NCAM2: variants seen among roughly 807,000 people sequenced by gnomAD.
NCAM2 encodes the protein neural cell adhesion molecule 2.
A neutral mutation model predicts 98.1 loss-of-function variants in NCAM2; 30 were observed. That is an observed-to-expected ratio of 0.31 (90% CI 0.23 to 0.41). The LOEUF is 0.41. Among genes scored for constraint, NCAM2 ranks in the 10% least tolerant of loss-of-function variants. The pLI, the probability that NCAM2 is intolerant of heterozygous loss-of-function variation, is 1.00. For synonymous variants in NCAM2, 368 were observed against 342.4 expected (o/e 1.07, Z -0.83); for missense variants, 867 against 1,005.8 (o/e 0.86, Z 1.87).
At chr21:21,131,875 G>T (rs185210988) in intron 1 of NCAM2, among the ~76,000 whole-genome samples, 3 of 152,244 alleles carry the variant, frequency 2.0e-5, no homozygotes, top group Admixed American at 2.0e-4. Flanking sequence ...GTGAATAATA[G>T]AAAGTGTGTA....
chr21:21,342,594 G>A (rs1352882085), intron 8 of NCAM2, among the ~76,000 whole-genome samples: 2 of 152,062 alleles, frequency 1.3e-5, no homozygotes, highest in South Asian at 2.1e-4. Context: ...AATCAGGCCA[G>A]ACAGACACTA....
intron 1 of NCAM2, among the ~76,000 whole-genome samples, chr21:21,156,008 G>A (rs543756591): frequency 6.6e-6 from 1 of 151,920 alleles, no homozygotes; most frequent in African/African-American, 2.4e-5. Flanking sequence ...TCTTACTTCA[G>A]TTAAGTGTTC....
intron 16 of NCAM2, 69 bp downstream of exon 16, chr21:21,509,124 G>C: frequency 1.3e-6 from 2 of 1,497,920 alleles, no homozygotes; most frequent in Admixed American, 1.7e-5. Flanking sequence ...TGCTTTACCT[G>C]AGGGCGTTGT....
chr21:21,397,869 G>A (rs1327800467), intron 9 of NCAM2, among the ~76,000 whole-genome samples: 4 of 152,176 alleles, frequency 2.6e-5, no homozygotes, highest in Non-Finnish European at 5.9e-5. Flanking sequence ...CAACCACTAT[G>A]GAAAACTGTG....
intron 1 of NCAM2, among the ~76,000 whole-genome samples, chr21:21,150,549 A>G (rs1273545599): frequency 6.6e-6 from 1 of 151,974 alleles, no homozygotes; most frequent in East Asian, 1.9e-4. Flanking sequence ...TTATTAATTG[A>G]TGTTGAATTT....
chr21:21,261,852 G>A (rs1436846233), intron 1 of NCAM2, among the ~76,000 whole-genome samples: 1 of 150,874 alleles, frequency 6.6e-6, no homozygotes, highest in African/African-American at 2.4e-5. Flanking sequence ...ACATGAAACA[G>A]CAAAGGTCAC....
intron 9 of NCAM2, among the ~76,000 whole-genome samples, chr21:21,395,507 T>G (rs2076484807): frequency 6.6e-6 from 1 of 152,110 alleles, no homozygotes; most frequent in South Asian, 2.1e-4. Flanking sequence ...CTTCACAGAA[T>G]TAGAAAAAAT....
At chr21:21,178,073 T>G (rs889237525) in intron 1 of NCAM2, among the ~76,000 whole-genome samples, 2 of 152,156 alleles carry the variant, frequency 1.3e-5, no homozygotes, top group Non-Finnish European at 2.9e-5. Context: ...ATAATTTAAG[T>G]TGAAAGTAAT....
intron 12 of NCAM2, among the ~76,000 whole-genome samples, chr21:21,457,806 G>A (rs1982378718): frequency 6.6e-6 from 1 of 152,078 alleles, no homozygotes; most frequent in Non-Finnish European, 1.5e-5. Flanking sequence ...ATATTAAAGG[G>A]CTAGAGAAAT....
intron 1 of NCAM2, among the ~76,000 whole-genome samples, chr21:21,166,086 C>A (rs2067942052): frequency 6.6e-6 from 1 of 152,074 alleles, no homozygotes; most frequent in Admixed American, 6.6e-5. Context: ...TTTTCAGGCA[C>A]CAAAACAAGG....
At chr21:21,154,989 A>G (rs2067569479) in intron 1 of NCAM2, among the ~76,000 whole-genome samples, 1 of 151,768 alleles carries the variant, frequency 6.6e-6, no homozygotes, top group Non-Finnish European at 1.5e-5. Flanking sequence ...AAGATGCAGC[A>G]TTGTCTTGGT....
chr21:21,073,003 T>C, intron 1 of NCAM2, among the ~76,000 whole-genome samples: 1 of 147,610 alleles, frequency 6.8e-6, no homozygotes, highest in Admixed American at 6.8e-5. Flanking sequence ...CCAGTCCCTA[T>C]CTCCAGTGTA....
intron 12 of NCAM2, among the ~76,000 whole-genome samples, chr21:21,453,783 C>G (rs1555899386): frequency 6.6e-6 from 1 of 152,022 alleles, no homozygotes; most frequent in Non-Finnish European, 1.5e-5. Flanking sequence ...TTTTGAAATT[C>G]TCATCTTTAC....
intron 1 of NCAM2, among the ~76,000 whole-genome samples, chr21:21,255,816 G>C (rs2071645973): frequency 6.6e-6 from 1 of 152,148 alleles, no homozygotes; most frequent in African/African-American, 2.4e-5. Context: ...TTAGGTCTAA[G>C]AGTCTCAGAG....
chr21:21,531,942 G>C (rs912720952), intron 16 of NCAM2, among the ~76,000 whole-genome samples: 1 of 150,880 alleles, frequency 6.6e-6, no homozygotes, highest in African/African-American at 2.4e-5. Context: ...GCAGTGAGCC[G>C]AGATCACGCC....
At chr21:21,440,265 C>A (rs943388553) in intron 12 of NCAM2, among the ~76,000 whole-genome samples, 1 of 152,142 alleles carries the variant, frequency 6.6e-6, no homozygotes, top group African/African-American at 2.4e-5. Context: ...CTTATAATAA[C>A]ATACCACAGT....
chr21:21,370,399 A>T (rs947833069), intron 8 of NCAM2, among the ~76,000 whole-genome samples: 1 of 151,936 alleles, frequency 6.6e-6, no homozygotes, highest in Non-Finnish European at 1.5e-5. Flanking sequence ...AATATTGTAC[A>T]TGCCATCAAA....
intron 1 of NCAM2, among the ~76,000 whole-genome samples, chr21:21,135,422 A>G (rs1254549744): frequency 6.6e-6 from 1 of 152,138 alleles, no homozygotes; most frequent in Non-Finnish European, 1.5e-5. Context: ...CTCAGTAGAA[A>G]GGATTCGGTA....
intron 8 of NCAM2, among the ~76,000 whole-genome samples, chr21:21,372,004 A>G (rs1254380824): frequency 1.3e-5 from 2 of 151,812 alleles, no homozygotes; most frequent in African/African-American, 4.8e-5. Context: ...TAGAAAGAAT[A>G]GAAAGTTTTG....
Sources: gnomAD v4.1 joint callset for allele counts (sites outside exome capture counted in the v4.1 genomes callset) on GRCh38, gnomAD v4.1.1 for gene constraint, MANE v1.5 for transcripts, NCBI Gene and HGNC (gene_info 2026-07-23, HGNC 2026-07-21) for gene names.